DPYD: variants seen among roughly 807,000 people sequenced by gnomAD.
DPYD encodes dihydropyrimidine dehydrogenase, also known as dihydropyrimidine dehydrogenase [NADP(+)].
Under a neutral mutation model 116.2 loss-of-function variants are expected in DPYD, and 109 were observed. The ratio of observed to expected loss-of-function variants is 0.94; its 90% CI spans 0.80 to 1.10. The LOEUF is 1.10. Among genes scored for constraint, DPYD ranks in the 50% least tolerant of loss-of-function variants. The probability of loss-of-function intolerance (pLI) is 0.00; values close to 1 mark genes in which losing one functional copy is unlikely to be tolerated. For missense variants in DPYD, 1,302 were observed against 1,254.5 expected (o/e 1.04, Z -0.57); for synonymous variants, 440 against 432.0 (o/e 1.02, Z -0.23).
intron 13 of DPYD, among the ~76,000 whole-genome samples, chr1:97,485,366 TA>T (rs1678569750): frequency 6.6e-6 from 1 of 152,062 alleles, no homozygotes; most frequent in African/African-American, 2.4e-5. Context: ...GATGCCTGGT[TA>T]ATTTTTCTAT....
chr1:97,556,391 C>A (rs1170130830), intron 11 of DPYD, among the ~76,000 whole-genome samples: 1 of 149,690 alleles, frequency 6.7e-6, no homozygotes, highest in Non-Finnish European at 1.5e-5. Flanking sequence ...TTTTAGGGTA[C>A]ATGTGCACAT....
intron 5 of DPYD, chr1:97,720,217 AT>A: frequency 1.0e-6 from 1 of 984,774 alleles, no homozygotes; most frequent in African/African-American, 1.7e-5. Context: ...GACCAGATCA[AT>A]TACTAATGAT....
chr1:97,586,461 CATACATATATATATATATATATAT>C (rs1239048912), intron 10 of DPYD, among the ~76,000 whole-genome samples: 5 of 46,590 alleles, frequency 1.1e-4, no homozygotes, highest in African/African-American at 3.5e-4. Flanking sequence ...AAAATACATA[CATACATATATATATATATATATAT>C]ATATATATAT....
chr1:97,516,029 T>C (rs1417568667), intron 12 of DPYD, 88 bp from the exon 13 acceptor site: 6 of 1,237,176 alleles, frequency 4.8e-6, no homozygotes, highest in African/African-American at 3.0e-5. Context: ...CAACACAGCA[T>C]CCGAATTAAT....
chr1:97,357,292 C>T (rs1174175356), intron 16 of DPYD, among the ~76,000 whole-genome samples: 1 of 151,390 alleles, frequency 6.6e-6, no homozygotes, highest in African/African-American at 2.4e-5. Context: ...TGTTAATGTA[C>T]AGAAACATCA....
At chr1:97,696,867 A>G (rs1000550756) in intron 6 of DPYD, among the ~76,000 whole-genome samples, 19 of 152,132 alleles carry the variant, frequency 1.2e-4, no homozygotes, top group Non-Finnish European at 2.5e-4. Context: ...TAACTAGTTC[A>G]CCTAGACCTC....
chr1:97,642,888 AAAATTAAATTAAATT>A (rs536020709), intron 8 of DPYD, among the ~76,000 whole-genome samples: 14 of 148,908 alleles, frequency 9.4e-5, no homozygotes, highest in African/African-American at 2.8e-4. Flanking sequence ...TAATAATAAT[AAAATTAAATTAAATT>A]AAATTAAATT....
chr1:97,528,440 G>C (rs1649316650), intron 12 of DPYD, among the ~76,000 whole-genome samples: 1 of 151,890 alleles, frequency 6.6e-6, no homozygotes, highest in Non-Finnish European at 1.5e-5. Flanking sequence ...ATATTAATTG[G>C]CTCCATGGCA....
intron 14 of DPYD, among the ~76,000 whole-genome samples, chr1:97,449,421 A>T (rs928652625): frequency 1.3e-5 from 2 of 152,070 alleles, no homozygotes; most frequent in African/African-American, 4.8e-5. Context: ...GTAGGAAAAA[A>T]ATAGGAAGTG....
intron 20 of DPYD, among the ~76,000 whole-genome samples, chr1:97,148,248 G>A (rs1313784423): frequency 7.7e-6 from 1 of 130,522 alleles, no homozygotes; most frequent in East Asian, 2.9e-4. Context: ...GTGTGTGTGT[G>A]TGTGTGGGGG....
At chr1:97,507,480 G>A (rs1037424328) in intron 13 of DPYD, among the ~76,000 whole-genome samples, 1 of 151,922 alleles carries the variant, frequency 6.6e-6, no homozygotes, top group East Asian at 1.9e-4. Context: ...TGAGGTAATA[G>A]ATAAACTCTT....
chr1:97,393,307 A>C (rs1214153850), intron 14 of DPYD, among the ~76,000 whole-genome samples: 1 of 145,794 alleles, frequency 6.9e-6, no homozygotes, highest in African/African-American at 2.5e-5. Flanking sequence ...TTTTTAAATT[A>C]TTATACTTTA....
intron 18 of DPYD, among the ~76,000 whole-genome samples, chr1:97,289,632 T>C (rs965964485): frequency 5.3e-5 from 8 of 151,990 alleles, no homozygotes; most frequent in East Asian, 1.9e-4. Context: ...TGACAAAATT[T>C]AACAACCCTT....
intron 4 of DPYD, among the ~76,000 whole-genome samples, chr1:97,726,983 C>G (rs1402443207): frequency 6.6e-6 from 1 of 151,546 alleles, no homozygotes. Context: ...TCTCATGACT[C>G]TAAGTAAAAC....
chr1:97,624,612 G>C (rs1282403151), intron 8 of DPYD, among the ~76,000 whole-genome samples: 2 of 151,918 alleles, frequency 1.3e-5, no homozygotes, highest in Admixed American at 6.6e-5. Flanking sequence ...TCCCACTTCT[G>C]GGTATTTACC....
intron 4 of DPYD, among the ~76,000 whole-genome samples, chr1:97,737,345 G>T (rs1355417172): frequency 6.6e-6 from 1 of 152,040 alleles, no homozygotes; most frequent in African/African-American, 2.4e-5. Flanking sequence ...ACTACTTTTT[G>T]TTGCATATAT....
chr1:97,115,726 T>A (rs565727079), intron 20 of DPYD, among the ~76,000 whole-genome samples: 1 of 152,280 alleles, frequency 6.6e-6, no homozygotes, highest in East Asian at 1.9e-4. Context: ...AATTGTTACC[T>A]TATATGTTTT....
Position 97,860,880 on chromosome 1 carries a change from T to TA in DPYD, c.150+22383dup, listed in dbSNP as rs1291986966. On this transcript the variant is annotated intron_variant, in intron 2 of 22. Transcript: ENST00000370192. ...TCTCAAACGATAAAAAGCTACAGGGTAAAAAAAAAGGAGGGACTTAAAAAA... is the reference window on the plus strand; with the variant it reads ...TCTCAAACGATAAAAAGCTACAGGGTAAAAAAAAAAGGAGGGACTTAAAAAA... Among the ~76,000 whole-genome samples the TA allele has an allele frequency of 3.1e-4, 46 of 150,296 alleles. No homozygotes were observed. The East Asian group carries it at 4.5e-3, about 15-fold the overall frequency.
intron 8 of DPYD, among the ~76,000 whole-genome samples, chr1:97,615,281 T>G (rs763389814): frequency 6.6e-6 from 1 of 152,162 alleles, no homozygotes; most frequent in Non-Finnish European, 1.5e-5. Context: ...TGTTCTATTA[T>G]TCACACTTTC....
Sources: gnomAD v4.1 joint callset for allele counts (sites outside exome capture counted in the v4.1 genomes callset) on GRCh38, gnomAD v4.1.1 for gene constraint, MANE v1.5 for transcripts, NCBI Gene and HGNC (gene_info 2026-07-23, HGNC 2026-07-21) for gene names.